Variants in DHX8 observed in about 807,000 individuals in gnomAD.
The protein encoded by DHX8 is ATP-dependent RNA helicase DHX8.
In DHX8, 67 loss-of-function variants were observed where a neutral mutation model predicts 140.7. The ratio of observed to expected loss-of-function variants is 0.48; its 90% CI spans 0.39 to 0.58. DHX8 has a LOEUF of 0.58. Ranked by LOEUF, DHX8 falls within the 20% of genes least tolerant of loss-of-function variation. The pLI is 0.00. For missense variants in DHX8, 887 were observed against 1,550.7 expected (o/e 0.57, Z 7.19); for synonymous variants, 533 against 553.2 (o/e 0.96, Z 0.51).
Position 43,524,951 on chromosome 17 carries a change from GGA to G in DHX8, c.*1106_*1107del. On this transcript the variant is annotated 3_prime_UTR_variant, in exon 23 of 23. Transcript: ENST00000262415. The stretch of plus-strand genomic sequence containing the variant: ...CTTGTGCCCTCCTCACAGCTCCTGA[GGA>G]GGGTTTTTTTTTTTTCTTCCCATAG... 1 of 985,212 alleles carries G rather than the reference GGA, an allele frequency of 1.0e-6. No individual in the cohort carries two copies. 61.0% of individuals were successfully genotyped at this position (985,212 alleles called of 1,614,324 possible).
At chr17:43,490,882 G>GA (rs931472692) in intron 3 of DHX8, among the ~76,000 whole-genome samples, 1 of 151,360 alleles carries the variant, frequency 6.6e-6, no homozygotes, top group Non-Finnish European at 1.5e-5. Context: ...GTTTCAAGGG[G>GA]AAAAAAAATT....
At chr17:43,530,127 G>C (rs1970830295), downstream of DHX8, 1 of 1,574,870 alleles carries the variant, frequency 6.3e-7, no homozygotes, top group Non-Finnish European at 8.6e-7. Context: ...GTCACCTGGA[G>C]AGGGCCCAGA....
intron 1 of DHX8, among the ~76,000 whole-genome samples, chr17:43,485,710 A>G (rs987794163): frequency 2.0e-5 from 3 of 152,196 alleles, no homozygotes; most frequent in Admixed American, 1.3e-4. Flanking sequence ...AGAAGAAACA[A>G]AAAAGTTATT....
chr17:43,534,886 A>G (rs1030275780), intron 2 of DHX8, among the ~76,000 whole-genome samples: 1 of 152,016 alleles, frequency 6.6e-6, no homozygotes, highest in Non-Finnish European at 1.5e-5. Flanking sequence ...GGTTGCAGTG[A>G]GCCGAGATCA....
chr17:43,529,746 G>A (rs1244261132), downstream of DHX8: 9 of 1,590,266 alleles, frequency 5.7e-6, no homozygotes, highest in East Asian at 2.2e-5. Context: ...CCTCCCACCC[G>A]AGGGATTTCT....
chr17:43,526,397 A>G (rs1301339071), downstream of DHX8: 10 of 1,516,946 alleles, frequency 6.6e-6, no homozygotes, highest in East Asian at 1.2e-4. Flanking sequence ...GACCGTCCCT[A>G]TGGGGCATGT....
intron 2 of DHX8, among the ~76,000 whole-genome samples, chr17:43,535,296 G>A (rs1598205056): frequency 6.8e-6 from 1 of 146,588 alleles, no homozygotes; most frequent in African/African-American, 2.5e-5. Context: ...TGTTTTTTTT[G>A]AGATGGAGCC....
At chr17:43,492,594 G>T in intron 5 of DHX8, 87 bp from the exon 6 acceptor site, 1 of 763,430 alleles carries the variant, frequency 1.3e-6, no homozygotes, top group East Asian at 2.7e-5. Flanking sequence ...TACCTACCAT[G>T]TGCATGGCAC....
chr17:43,524,087 C>G lies in DHX8; in HGVS notation c.*240C>G. The G allele has an allele frequency of 8.7e-6, 12 of 1,373,674 alleles. No homozygotes were observed. The highest frequency in any genetic ancestry group is 1.1e-5 in the Non-Finnish European group (12 of 1,061,826). The allele number at this position is 1,373,674 out of a possible 1,614,324, so 85.1% of individuals were successfully genotyped here. ...CTTGGGCCCAGTTGGGAGCTCATATCTAACACAGAGACACATTGCATCAAC... is the reference window on the plus strand; with the variant it reads ...CTTGGGCCCAGTTGGGAGCTCATATGTAACACAGAGACACATTGCATCAAC... On this transcript the variant is annotated 3_prime_UTR_variant, in exon 23 of 23. Coordinates refer to ENST00000262415, the MANE Select transcript of DHX8 (RefSeq NM_004941.3).
intron 18 of DHX8, 171 bp from the exon 19 acceptor site, chr17:43,519,959 A>G: frequency 1.6e-6 from 1 of 639,700 alleles, no homozygotes; most frequent in Non-Finnish European, 2.7e-6. Context: ...GCTTTCTATT[A>G]TAATAGTCTG....
intron 11 of DHX8, among the ~76,000 whole-genome samples, chr17:43,503,214 T>C (rs1969298210): frequency 1.3e-5 from 2 of 151,546 alleles, no homozygotes; most frequent in Admixed American, 1.3e-4. Flanking sequence ...ATACAAAAAT[T>C]AGTCCAGGCA....
Position 43,523,934 on chromosome 17 carries a change from T to G in DHX8, c.*87T>G. 1 of 1,559,612 alleles carries G rather than the reference T, an allele frequency of 6.4e-7. No individual in the cohort carries two copies. The highest frequency in any genetic ancestry group is 8.7e-7 in the Non-Finnish European group (1 of 1,152,274). ...CAGGCTGGTCCTGAGGATACAGCTG[T>G]CCCGTGACTGACTGTCTTAACTGAG... is the stretch of plus-strand genomic sequence containing the variant. On this transcript the variant is annotated 3_prime_UTR_variant, in exon 23 of 23. Coordinates refer to ENST00000262415, the MANE Select transcript of DHX8 (RefSeq NM_004941.3).
intron 2 of DHX8, among the ~76,000 whole-genome samples, chr17:43,536,024 T>C (rs1364743955): frequency 6.6e-6 from 1 of 152,206 alleles, no homozygotes; most frequent in Non-Finnish European, 1.5e-5. Context: ...GGCAGGAGAA[T>C]GGCTTAAACC....
At chr17:43,532,645 T>C in intron 2 of DHX8, 1 of 1,592,272 alleles carries the variant, frequency 6.3e-7, no homozygotes, top group South Asian at 1.1e-5. Context: ...CTTGATCACA[T>C]GCCACCCTGC....
At position 43,492,710 on chromosome 17, in the gene DHX8, G is replaced by T. The variant is rs143316763; in HGVS notation, c.533G>T (p.Arg178Leu). The change falls in exon 6 of 23, where the codon CGA becomes CTA. Residue 178 changes from arginine (R) to leucine (L), a missense_variant. Physicochemically the swap from Arg to Leu is moderately radical, Grantham distance 102. Coordinates refer to ENST00000262415, the MANE Select transcript of DHX8 (RefSeq NM_004941.3). ...AGGACAAAGAAGAAGAAGCGGAGTC[G>T]AAGCCGAGATCGAAACCGAGATCGA... Reference protein sequence around the residue: ...RDRTKKKKRSRSRDRNRDRDR... With the variant: ...RDRTKKKKRSLSRDRNRDRDR... 5.0e-5 allele frequency: 80 copies of T among 1,602,616 alleles called. No homozygotes were observed. The highest frequency in any genetic ancestry group is 6.5e-5 in the Non-Finnish European group (76 of 1,169,652).
rs201682397 is a variant in DHX8 at position 43,484,061 on chromosome 17, G to A, written c.24G>A (p.Ala8=). 5.4e-5 allele frequency: 87 copies of A among 1,614,160 alleles called. No homozygotes were observed. The Admixed American group carries it at 9.8e-4, about 18-fold the overall frequency. The change falls in exon 1 of 23, where the codon GCG becomes GCA. Residue 8 remains alanine, a synonymous_variant. Transcript: ENST00000262415. Reference sequence around the variant, plus strand: ...CCATGGCTGTGGCTGTAGCCATGGCGGGAGCCTTAATCGGGTCGGAGCCAG... The same window carrying A: ...CCATGGCTGTGGCTGTAGCCATGGCAGGAGCCTTAATCGGGTCGGAGCCAG... MAVAVAM[A]GALIGSEPGP...
downstream of DHX8, among the ~76,000 whole-genome samples, chr17:43,531,344 A>G (rs1970926203): frequency 6.6e-6 from 1 of 152,220 alleles, no homozygotes; most frequent in African/African-American, 2.4e-5. Flanking sequence ...GCTTTGAACT[A>G]TAGCTATTTA....
chr17:43,528,890 A>T, downstream of DHX8: 1 of 709,418 alleles, frequency 1.4e-6, no homozygotes, highest in East Asian at 2.7e-5. Context: ...TGAGAAGCTG[A>T]CTCTCCCTTC....
chr17:43,511,475 T>TTTTTTTTTTTTTTTTTTTTA (rs1969830286), intron 16 of DHX8, among the ~76,000 whole-genome samples: 1 of 140,722 alleles, frequency 7.1e-6, no homozygotes, highest in Non-Finnish European at 1.5e-5. Flanking sequence ...TTTTTTTTTT[T>TTTTTTTTTTTTTTTTTTTTA]GAGACAGAGT....
Sources: allele counts gnomAD v4.1 joint callset (sites outside exome capture counted in the v4.1 genomes callset), GRCh38; gene constraint gnomAD v4.1.1; transcripts MANE v1.5; gene names NCBI Gene and HGNC (gene_info 2026-07-23, HGNC 2026-07-21).